Variants in PLXNC1 observed in about 807,000 individuals in gnomAD.
PLXNC1 encodes plexin-C1.
In PLXNC1, 75 loss-of-function variants were observed where a neutral mutation model predicts 178.2. The observed-to-expected ratio is 0.42, with a 90% CI of 0.35 to 0.51. The LOEUF is 0.51. Among genes scored for constraint, PLXNC1 ranks in the 20% least tolerant of loss-of-function variants. The pLI is 0.02. For synonymous variants in PLXNC1, 790 were observed against 779.9 expected, an observed-to-expected ratio of 1.01 and a Z score of -0.22; for missense variants, 1,503 against 1,984.4, an observed-to-expected ratio of 0.76 and a Z score of 4.61.
At position 94,150,038 on chromosome 12, in the gene PLXNC1, G is replaced by C. The variant is rs1291215795; in HGVS notation, c.1062+5G>C. The C allele has an allele frequency of 6.4e-7, 1 of 1,566,830 alleles. No individual in the cohort carries two copies. The stretch of plus-strand genomic sequence containing the variant: ...AAGACGGCCGAGAGCCACTGCGTAA[G>C]TCCTGCCCCCGGGGCGCCGCGGAGA... On this transcript the variant is annotated splice_donor_5th_base_variant and intron_variant, in intron 1 of 30. Coordinates refer to ENST00000258526, the MANE Select transcript of PLXNC1 (RefSeq NM_005761.3).
Position 94,181,496 on chromosome 12 carries a change from A to G in PLXNC1, c.1254A>G (p.Glu418=). 6.3e-7 allele frequency: 1 copy of G among 1,595,808 alleles called. No individual in the cohort carries two copies. Among genetic ancestry groups the G allele is most frequent in the South Asian group, 1.1e-5 (1 of 90,680 alleles). Reference sequence around the variant, plus strand: ...CAAATTGTCCAGAGGTTATCTATGAAATTAAAGAAGAGACACCTGTTTTCT... The same window carrying G: ...CAAATTGTCCAGAGGTTATCTATGAGATTAAAGAAGAGACACCTGTTTTCT... The part of the protein sequence containing the change: ...LTSNCPEVIY[E]IKEETPVFYK... Residue 418 remains glutamate, a synonymous_variant, in exon 3 of 31, where the codon GAA becomes GAG. Coordinates refer to ENST00000258526, the MANE Select transcript of PLXNC1 (RefSeq NM_005761.3).
rs1002093191 is a variant in PLXNC1, at chr12:94,275,650, G to A, written c.3598-3822G>A. On this transcript the variant is annotated intron_variant, in intron 21 of 30. Coordinates refer to ENST00000258526, the MANE Select transcript of PLXNC1 (RefSeq NM_005761.3). ...GGGCGGATCACGAGGTCAGGAGATC[G>A]AGACCATCCCGGCTAAAACGGTGAA... Among the ~76,000 whole-genome samples, 5 of 88,894 alleles carry A rather than the reference G, an allele frequency of 5.6e-5. 1 individual carries two copies. Among genetic ancestry groups the A allele is most frequent in the Admixed American group, 3.8e-4 (3 of 7,958 alleles). The allele number at this position is 88,894 out of a possible 152,430, so 58.3% of individuals were successfully genotyped here. A position where few individuals can be genotyped will look rare whatever the true frequency, so the allele number is the denominator to read the frequency against.
intron 22 of PLXNC1, among the ~76,000 whole-genome samples, chr12:94,281,644 C>T (rs1380032750): frequency 6.6e-6 from 1 of 152,138 alleles, no homozygotes; most frequent in African/African-American, 2.4e-5. Context: ...TGGTCTTGAA[C>T]TCCTAGCCTC....
intron 1 of PLXNC1, among the ~76,000 whole-genome samples, chr12:94,156,517 G>A (rs1210319820): frequency 2.8e-5 from 4 of 141,370 alleles, no homozygotes; most frequent in Non-Finnish European, 3.0e-5. Flanking sequence ...TCATTCTGTT[G>A]CCCAGGCTAG....
At chr12:94,281,226 C>A (rs912654869) in intron 22 of PLXNC1, among the ~76,000 whole-genome samples, 27 of 152,280 alleles carry the variant, frequency 1.8e-4, no homozygotes, top group African/African-American at 6.5e-4. Context: ...TTGCAGTGAG[C>A]CCAGATTGCG....
At chr12:94,282,163 G>C (rs148457920) in intron 22 of PLXNC1, 135 bp from the exon 23 acceptor site, 268 of 632,752 alleles carry the variant, frequency 4.2e-4, no homozygotes, top group African/African-American at 3.9e-3. Flanking sequence ...CAGGCTACCA[G>C]TCTGGCTGAT....
At chr12:94,177,253 GTATA>G (rs1592735254) in intron 2 of PLXNC1, among the ~76,000 whole-genome samples, 1 of 114,898 alleles carries the variant, frequency 8.7e-6, no homozygotes, top group East Asian at 2.5e-4. Context: ...ATATATATAT[GTATA>G]TATATATGAG....
At chr12:94,219,062 A>G (rs1700824270) in intron 5 of PLXNC1, among the ~76,000 whole-genome samples, 1 of 152,268 alleles carries the variant, frequency 6.6e-6, no homozygotes, top group Admixed American at 6.5e-5. Flanking sequence ...AATTTCATTT[A>G]GACTCAGTCC....
intron 1 of PLXNC1, among the ~76,000 whole-genome samples, chr12:94,168,876 A>G (rs1961731922): frequency 6.6e-6 from 1 of 152,144 alleles, no homozygotes; most frequent in African/African-American, 2.4e-5. Flanking sequence ...TCAGCTTCTT[A>G]TATCAGCTGA....
At chr12:94,179,336 T>C (rs1172739443) in intron 2 of PLXNC1, among the ~76,000 whole-genome samples, 2 of 152,218 alleles carry the variant, frequency 1.3e-5, no homozygotes, top group Non-Finnish European at 2.9e-5. Flanking sequence ...AGATAATCTA[T>C]CTGGATGTGT....
In PLXNC1 at chr12:94,149,000, C is replaced by T. The variant is rs940224520; in HGVS notation, c.29C>T (p.Pro10Leu). 6.9e-7 allele frequency: 1 copy of T among 1,456,072 alleles called. No homozygotes were observed. Among genetic ancestry groups the T allele is most frequent in the African/African-American group, 1.5e-5 (1 of 67,452 alleles). 90.2% of individuals were successfully genotyped at this position (1,456,072 alleles called of 1,614,324 possible). A position where few individuals can be genotyped will look rare whatever the true frequency, so the allele number is the denominator to read the frequency against. ...GAGGTCTCCCGGAGGAAGGCGCCGC[C>T]GCGCCCCCCGCGCCCCGCAGCGCCA... MEVSRRKAP[P>L]RPPRPAAPLP... Residue 10 changes from proline to leucine, a missense_variant, in exon 1 of 31, where the codon CCG becomes CTG. Physicochemically the swap from Pro to Leu is moderately conservative, Grantham distance 98 (BLOSUM62 -3). Transcript: ENST00000258526. The surrounding 1 kb of genome is among the most constrained non-coding windows in gnomAD (Gnocchi z 4.8).
At chr12:94,150,941 T>G (rs953485605) in intron 1 of PLXNC1, 6 of 152,176 alleles carry the variant, frequency 3.9e-5, no homozygotes, top group African/African-American at 1.4e-4. Flanking sequence ...TTTCTTTGAC[T>G]GGAAAATAAA....
chr12:94,289,012 G>A lies in PLXNC1; in HGVS notation c.3880-5474G>A, dbSNP rs77794940. Among the ~76,000 whole-genome samples the A allele has an allele frequency of 1.1e-3, 168 of 152,230 alleles. 4 individuals are homozygous for A. The East Asian group carries it at 0.027, about 25-fold the overall frequency. On this transcript the variant is annotated intron_variant, in intron 23 of 30. Transcript: ENST00000258526. ...AATGCCAGCATTTCTCTTAGGTGGA[G>A]CCATATGAAATTGTCAATAGGTGAC...
chr12:94,179,583 A>C (rs1369377131), intron 2 of PLXNC1, among the ~76,000 whole-genome samples: 1 of 152,066 alleles, frequency 6.6e-6, no homozygotes, highest in Non-Finnish European at 1.5e-5. Flanking sequence ...TCTACTAAAA[A>C]TACAAAAATT....
At chr12:94,172,993 G>T (rs771737655) in intron 2 of PLXNC1, among the ~76,000 whole-genome samples, 2 of 152,132 alleles carry the variant, frequency 1.3e-5, no homozygotes, top group Non-Finnish European at 2.9e-5. Context: ...CATCTAATCT[G>T]CTCTTTTATT....
intron 22 of PLXNC1, 111 bp downstream of exon 22, chr12:94,279,760 C>A: frequency 1.0e-6 from 1 of 955,070 alleles, no homozygotes; most frequent in Non-Finnish European, 1.7e-6. Context: ...TTCAGTGACA[C>A]TTACACAGCC....
At chr12:94,244,585 T>A (rs1964477433) in intron 12 of PLXNC1, among the ~76,000 whole-genome samples, 1 of 152,228 alleles carries the variant, frequency 6.6e-6, no homozygotes, top group Admixed American at 6.5e-5. Context: ...CTTTGCCCGA[T>A]TCTCCCACTG....
At chr12:94,194,345 A>C (rs1962837464) in intron 4 of PLXNC1, among the ~76,000 whole-genome samples, 1 of 152,228 alleles carries the variant, frequency 6.6e-6, no homozygotes, top group South Asian at 2.1e-4. Context: ...AAACGATATC[A>C]GGTCCCAAAT....
intron 15 of PLXNC1, among the ~76,000 whole-genome samples, chr12:94,251,771 G>A (rs1964697036): frequency 3.3e-5 from 5 of 152,116 alleles, no homozygotes; most frequent in East Asian, 1.9e-4. Context: ...CGGGCGGATC[G>A]CCTTGAGGTC....
Sources: gnomAD v4.1 joint callset for allele counts (sites outside exome capture counted in the v4.1 genomes callset) on GRCh38, gnomAD v4.1.1 for gene constraint, Gnocchi (gnomAD v3.1) non-coding constraint, MANE v1.5 for transcripts, NCBI Gene and HGNC (gene_info 2026-07-23, HGNC 2026-07-21) for gene names.